ZNF454: variants seen among roughly 807,000 people sequenced by gnomAD.
ZNF454 encodes zinc finger protein 454.
In ZNF454, 30 loss-of-function variants were observed where a neutral mutation model predicts 48.2. The ratio of observed to expected loss-of-function variants is 0.62; its 90% CI spans 0.47 to 0.84. The LOEUF is 0.84. Ranked by LOEUF, ZNF454 falls within the 40% of genes least tolerant of loss-of-function variation. The pLI is 0.00. For synonymous variants in ZNF454, 204 were observed against 211.4 expected (o/e 0.97, Z 0.30); for missense variants, 510 against 623.1 (o/e 0.82, Z 1.93).
At chr5:178,981,724 C>T in the ZNF454 span, 38 of 1,613,944 alleles carry the variant, frequency 2.4e-5, no homozygotes, top group South Asian at 7.7e-5. This position sits in a 1 kb window ranked among gnomAD's most constrained non-coding sequence, Gnocchi z 5.1. Flanking sequence ...CTTGAGGCTC[C>T]GCTTTCGCTT....
Position 178,942,672 on chromosome 5 carries a change from T to C in ZNF454, c.-107-13T>C, listed in dbSNP as rs10060764. 0.58 allele frequency: 658,660 copies of C among 1,142,876 alleles called. 190,254 individuals carry two copies. Among genetic ancestry groups the C allele is most frequent in the Admixed American group, 0.62 (32,290 of 52,134 alleles). 70.8% of individuals were successfully genotyped at this position (1,142,876 alleles called of 1,614,324 possible). A position where few individuals can be genotyped will look rare whatever the true frequency, so the allele number is the denominator to read the frequency against. On this transcript the variant is annotated splice_polypyrimidine_tract_variant and intron_variant, in intron 1 of 4. Coordinates refer to ENST00000519564, the MANE Select transcript of ZNF454 (RefSeq NM_001178089.3). Reference sequence around the variant, plus strand: ...GCTGTATGAGAGCTTTTGACCCAGTTCTCTCCTAATAGCAGGTGTGTGGAC... The same window carrying C: ...GCTGTATGAGAGCTTTTGACCCAGTCCTCTCCTAATAGCAGGTGTGTGGAC...
the ZNF454 span, chr5:178,981,766 A>G: frequency 2.5e-6 from 4 of 1,613,330 alleles, no homozygotes; most frequent in Admixed American, 5.0e-5. The surrounding 1 kb of genome is among the most constrained non-coding windows in gnomAD (Gnocchi z 5.1). Flanking sequence ...GAAGAGGATG[A>G]CGTAGGTTTT....
the ZNF454 span, among the ~76,000 whole-genome samples, chr5:178,971,958 G>A: frequency 6.6e-6 from 1 of 152,020 alleles, no homozygotes; most frequent in Non-Finnish European, 1.5e-5. Flanking sequence ...TTTTGAGATG[G>A]AGTCTCACTC....
intron 4 of ZNF454, among the ~76,000 whole-genome samples, chr5:178,950,913 G>A (rs543544356): frequency 1.3e-5 from 2 of 149,814 alleles, no homozygotes; most frequent in East Asian, 4.0e-4. Context: ...AGGCTGGAGT[G>A]CAGTGGCGTG....
At chr5:178,981,788 G>A in the ZNF454 span, 2 of 1,612,472 alleles carry the variant, frequency 1.2e-6, no homozygotes, top group African/African-American at 1.3e-5. This position sits in a 1 kb window ranked among gnomAD's most constrained non-coding sequence, Gnocchi z 5.1. Flanking sequence ...GGTACGTAGA[G>A]CATGCCGAGG....
At chr5:178,986,523 C>T in the ZNF454 span, 2 of 1,608,716 alleles carry the variant, frequency 1.2e-6, no homozygotes, top group South Asian at 2.2e-5. Flanking sequence ...AGCTCAGGCG[C>T]ACCACAGGTG....
the ZNF454 span, among the ~76,000 whole-genome samples, chr5:178,977,876 C>A: frequency 6.6e-6 from 1 of 152,220 alleles, no homozygotes; most frequent in Admixed American, 6.5e-5. Flanking sequence ...TGAGCCACTG[C>A]ACTCAGCCAG....
chr5:178,974,178 A>G, the ZNF454 span, among the ~76,000 whole-genome samples: 2 of 152,196 alleles, frequency 1.3e-5, no homozygotes, highest in Non-Finnish European at 2.9e-5. Flanking sequence ...AGTTGGCGAT[A>G]AGATAGGTAA....
chr5:178,960,233 G>A (rs1052028999), intron 4 of ZNF454, among the ~76,000 whole-genome samples: 3 of 149,742 alleles, frequency 2.0e-5, no homozygotes, highest in Non-Finnish European at 3.0e-5. Flanking sequence ...TTACAAGCAT[G>A]AGCCACTGTG....
the ZNF454 span, chr5:178,985,119 C>T: frequency 9.0e-5 from 29 of 321,566 alleles, no homozygotes; most frequent in Middle Eastern, 8.4e-4. Context: ...AATGTTGGAC[C>T]CTGTGCCTCT....
chr5:178,977,567 G>T, the ZNF454 span: 1 of 202,012 alleles, frequency 5.0e-6, no homozygotes, highest in South Asian at 6.3e-5. Context: ...TTCAAATTCA[G>T]TCTTCTTTTT....
chr5:178,966,780 C>T (rs1760169645), downstream of ZNF454, among the ~76,000 whole-genome samples: 1 of 152,076 alleles, frequency 6.6e-6, no homozygotes, highest in Non-Finnish European at 1.5e-5. Context: ...GTCACCCACA[C>T]TTATTTAAAC....
the ZNF454 span, among the ~76,000 whole-genome samples, chr5:178,974,167 G>A: frequency 6.6e-5 from 10 of 152,188 alleles, no homozygotes; most frequent in African/African-American, 2.2e-4. Flanking sequence ...GAATTCATCC[G>A]AGTTGGCGAT....
intron 4 of ZNF454, among the ~76,000 whole-genome samples, chr5:178,960,639 A>G (rs1442140814): frequency 1.3e-5 from 2 of 151,534 alleles, no homozygotes; most frequent in African/African-American, 2.4e-5. Flanking sequence ...TGATTTATCT[A>G]TTTTTCCTTT....
rs75346951 is a variant in ZNF454, at chr5:178,948,461, A to G, written c.250+1475A>G. On this transcript the variant is annotated intron_variant, in intron 4 of 4. Coordinates refer to ENST00000519564, the MANE Select transcript of ZNF454 (RefSeq NM_001178089.3). ...AAATCATTCAATCATCCATTCATTC[A>G]TGATTCATGGAGTCTAATTCTTCAT... 9.4e-3 allele frequency among the ~76,000 whole-genome samples: 1,431 copies of G among 152,324 alleles called. 77 individuals are homozygous for G. In the East Asian group the frequency reaches 0.13, roughly 13 times the overall value.
chr5:178,986,936 C>T, the ZNF454 span: 18 of 1,614,096 alleles, frequency 1.1e-5, no homozygotes, highest in Admixed American at 8.3e-5. Context: ...TCGTACCGCC[C>T]GGGCGCATCT....
At chr5:178,949,048 T>A (rs532833233) in intron 4 of ZNF454, among the ~76,000 whole-genome samples, 32 of 151,540 alleles carry the variant, frequency 2.1e-4, no homozygotes, top group African/African-American at 7.7e-4. Context: ...TTTATTTATT[T>A]TTTATTTTTT....
intron 2 of ZNF454, among the ~76,000 whole-genome samples, chr5:178,945,388 A>T (rs1360738411): frequency 7.9e-6 from 1 of 125,976 alleles, no homozygotes. Context: ...TCTGTGTGTG[A>T]GTTTATGTGT....
the ZNF454 span, chr5:178,986,559 C>A: frequency 3.1e-6 from 5 of 1,607,964 alleles, no homozygotes; most frequent in Non-Finnish European, 4.2e-6. Context: ...TGTGGTTGGG[C>A]GTGGGCCTCA....
Sources: gnomAD v4.1 joint callset for allele counts (sites outside exome capture counted in the v4.1 genomes callset) on GRCh38, gnomAD v4.1.1 for gene constraint, Gnocchi (gnomAD v3.1) non-coding constraint, MANE v1.5 for transcripts, NCBI Gene and HGNC (gene_info 2026-07-23, HGNC 2026-07-21) for gene names.